The following CCDC198 variants were observed in gnomAD, a reference collection of about 807,000 sequenced individuals.
CCDC198 encodes coiled-coil domain containing 198.
In CCDC198, 18 loss-of-function variants were observed where a neutral mutation model predicts 35.6. The observed-to-expected ratio is 0.51, with a 90% confidence interval of 0.35 to 0.75. The LOEUF is 0.75. Ranked by LOEUF, CCDC198 falls within the 30% of genes least tolerant of loss-of-function variation. CCDC198 has a pLI of 0.01. For synonymous variants in CCDC198, 119 were observed against 113.4 expected (o/e 1.05, Z -0.31); for missense variants, 365 against 343.7 (o/e 1.06, Z -0.49).
chr14:57,492,681 A>C (rs2067616517), intron 1 of CCDC198, among the ~76,000 whole-genome samples: 1 of 152,080 alleles, frequency 6.6e-6, no homozygotes, highest in African/African-American at 2.4e-5. Context: ...GTACCAAAAG[A>C]GAATGTGAGG....
intron 2 of CCDC198, among the ~76,000 whole-genome samples, chr14:57,488,977 G>T (rs1251150327): frequency 6.6e-6 from 1 of 152,154 alleles, no homozygotes; most frequent in Non-Finnish European, 1.5e-5. Flanking sequence ...ATTCCTCAAA[G>T]ACCTAGAGGC....
chr14:57,480,686 A>T lies in CCDC198; in HGVS notation c.564T>A (p.His188Gln), dbSNP rs34786761. The T allele has an allele frequency of 2.2e-5, 35 of 1,613,988 alleles. No homozygotes were observed. In the African/African-American group the frequency reaches 2.8e-4, roughly 13 times the overall value. Residue 188 changes from histidine (H) to glutamine (Q), a missense_variant, in exon 5 of 6, where the codon CAT (histidine) becomes CAA (glutamine). By Grantham distance (24) the His-to-Gln change is conservative (BLOSUM62 0). Coordinates refer to ENST00000216445, the MANE Select transcript of CCDC198 (RefSeq NM_018168.4). ...TGCTTTGAAGGGTTTTCTTGGCTTTATGGTCCCTTGGACTTTGCTTATTAA... is the reference window on the plus strand; with the variant it reads ...TGCTTTGAAGGGTTTTCTTGGCTTTTTGGTCCCTTGGACTTTGCTTATTAA... Reference protein sequence around the residue: ...ARINKQSPRDHKAKKTLQSTP... With the variant: ...ARINKQSPRDQKAKKTLQSTP...
At position 57,471,299 on chromosome 14, in the gene CCDC198, T is replaced by G; in HGVS notation, c.*56A>C. 7.6e-7 allele frequency: 1 copy of G among 1,317,600 alleles called. No homozygotes were observed. The allele number at this position is 1,317,600 out of a possible 1,614,324, so 81.6% of individuals were successfully genotyped here. ...AATTCATATATCAGTTTGGAAGATTTTGAGAGTAAAACAAGCTTTCAAAGC... is the reference window on the plus strand; with the variant it reads ...AATTCATATATCAGTTTGGAAGATTGTGAGAGTAAAACAAGCTTTCAAAGC... On this transcript the variant is annotated 3_prime_UTR_variant, in exon 6 of 6. Transcript: ENST00000216445.
At chr14:57,480,446 A>G in intron 5 of CCDC198, 149 bp downstream of exon 5, 1 of 1,190,178 alleles carries the variant, frequency 8.4e-7, no homozygotes, top group Non-Finnish European at 1.2e-6. Flanking sequence ...TTACATGACA[A>G]CATGCCCACT....
chr14:57,485,012 G>T (rs954696302), intron 2 of CCDC198, among the ~76,000 whole-genome samples: 1 of 152,164 alleles, frequency 6.6e-6, no homozygotes, highest in Non-Finnish European at 1.5e-5. Context: ...GGGGAGTAGA[G>T]TCCACAGTAC....
Position 57,471,163 on chromosome 14 carries a change from G to C in CCDC198, c.*192C>G, listed in dbSNP as rs998308416. The C allele has an allele frequency of 1.4e-5, 7 of 515,250 alleles. No individual in the cohort carries two copies. The highest frequency in any genetic ancestry group is 2.4e-5 in the Non-Finnish European group (7 of 294,154). The allele number at this position is 515,250 out of a possible 1,614,324, so 31.9% of individuals were successfully genotyped here. On this transcript the variant is annotated 3_prime_UTR_variant, in exon 6 of 6. Transcript: ENST00000216445. ...GGCTCTTGGTTAGCCCCTGTGTTTT[G>C]AGGCATTTAGTTATGCAGCAATAGT...
chr14:57,487,132 T>A (rs2067389713), intron 2 of CCDC198, among the ~76,000 whole-genome samples: 1 of 152,208 alleles, frequency 6.6e-6, no homozygotes, highest in South Asian at 2.1e-4. Context: ...GGAAGTGAGA[T>A]GCCTCACTTC....
intron 5 of CCDC198, among the ~76,000 whole-genome samples, chr14:57,475,057 C>T (rs995295461): frequency 1.3e-5 from 2 of 152,004 alleles, no homozygotes; most frequent in African/African-American, 2.4e-5. Flanking sequence ...GTCAGGAGAT[C>T]GAGACCATCT....
chr14:57,475,788 CTTTTTTTTTTTTTTTTTTTTTTT>C (rs548486752), intron 5 of CCDC198: 1 of 104,366 alleles, frequency 9.6e-6, no homozygotes, highest in African/African-American at 4.8e-5. Flanking sequence ...CACTTAGCTT[CTTTTTTTTTTTTTTTTTTTTTTT>C]TTTTTTTTGA....
chr14:57,493,024 G>A (rs1273810359), intron 1 of CCDC198, among the ~76,000 whole-genome samples: 1 of 152,076 alleles, frequency 6.6e-6, no homozygotes. Context: ...ACTGTTTAGG[G>A]TGGTTTCAAA....
At chr14:57,480,512 A>T in intron 5 of CCDC198, 83 bp downstream of exon 5, 2 of 1,500,436 alleles carry the variant, frequency 1.3e-6, no homozygotes, top group Non-Finnish European at 1.8e-6. Context: ...CTGTCTTCTC[A>T]TCATGTCCCT....
At chr14:57,479,389 C>T (rs1288520448) in intron 5 of CCDC198, among the ~76,000 whole-genome samples, 1 of 152,090 alleles carries the variant, frequency 6.6e-6, no homozygotes, top group Non-Finnish European at 1.5e-5. Context: ...ACACTTAGCT[C>T]CATGTTAAGG....
intron 5 of CCDC198, chr14:57,478,656 T>C (rs3818798): frequency 0.26 from 263,167 of 993,918 alleles, 35,887 homozygotes; most frequent in African/African-American, 0.36. Context: ...GAGGTTTTTT[T>C]CTTGGTTGTT....
At chr14:57,479,371 G>A (rs1354832220) in intron 5 of CCDC198, among the ~76,000 whole-genome samples, 2 of 152,162 alleles carry the variant, frequency 1.3e-5, no homozygotes, top group Non-Finnish European at 2.9e-5. Flanking sequence ...CTACGGGCAT[G>A]AGTCACCACA....
intron 4 of CCDC198, 31 bp from the exon 5 acceptor site, chr14:57,480,785 T>C (rs2067156499): frequency 1.2e-6 from 2 of 1,611,282 alleles, no homozygotes; most frequent in Non-Finnish European, 1.7e-6. Context: ...ATGATCAATG[T>C]TCTTCCCAAG....
intron 5 of CCDC198, among the ~76,000 whole-genome samples, chr14:57,473,586 A>G (rs1438680544): frequency 3.3e-5 from 5 of 152,046 alleles, no homozygotes; most frequent in Non-Finnish European, 7.4e-5. Context: ...CTCCATCCTG[A>G]TCGTGACCCC....
chr14:57,481,564 G>A lies in CCDC198; in HGVS notation c.490C>T (p.Gln164Ter). 1.2e-6 allele frequency: 2 copies of A among 1,607,028 alleles called. No individual in the cohort carries two copies. The highest frequency in any genetic ancestry group is 1.1e-5 in the South Asian group (1 of 90,830). ...GACACTCTTCTCGTATTTACCTCTT[G>A]TCTTTTACGGATCATTTCCAGCACT... The part of the protein sequence containing the change: ...MQVLEMIRKR[Q>*]EAQMELKKSL... The change falls in exon 4 of 6, where the codon CAA becomes TAA. Residue 164 changes from glutamine to a stop codon, truncating the protein, a stop_gained. Transcript: ENST00000216445. LOFTEE classifies it high-confidence loss of function.
At chr14:57,474,261 G>A (rs2066903441) in intron 5 of CCDC198, among the ~76,000 whole-genome samples, 1 of 152,208 alleles carries the variant, frequency 6.6e-6, no homozygotes, top group Admixed American at 6.5e-5. Flanking sequence ...AATTTTGGGA[G>A]ATGGGAAGTA....
At chr14:57,477,012 T>G (rs1347728371) in intron 5 of CCDC198, among the ~76,000 whole-genome samples, 2 of 152,230 alleles carry the variant, frequency 1.3e-5, no homozygotes, top group African/African-American at 4.8e-5. Flanking sequence ...CCTGAGCAGC[T>G]TCACCTCTCA....
Sources: allele counts gnomAD v4.1 joint callset (sites outside exome capture counted in the v4.1 genomes callset), GRCh38; gene constraint gnomAD v4.1.1; transcripts MANE v1.5; gene names NCBI Gene and HGNC (gene_info 2026-07-23, HGNC 2026-07-21).